APBB1IP: variants seen among roughly 807,000 people sequenced by gnomAD.
APBB1IP encodes amyloid beta precursor protein binding family B member 1 interacting protein.
In APBB1IP, 27 loss-of-function variants were observed where a neutral mutation model predicts 64.9. The ratio of observed to expected loss-of-function variants is 0.42; its 90% confidence interval spans 0.31 to 0.57. The LOEUF is 0.57. APBB1IP is among the 20% of genes least tolerant of loss of function. The pLI is 0.20. For missense variants in APBB1IP, 812 were observed against 845.5 expected, an observed-to-expected ratio of 0.96 and a Z score of 0.49; for synonymous variants, 392 against 331.0, an observed-to-expected ratio of 1.18 and a Z score of -2.00.
intron 2 of APBB1IP, among the ~76,000 whole-genome samples, chr10:26,447,447 A>G (rs1051824537): frequency 6.6e-6 from 1 of 151,304 alleles, no homozygotes; most frequent in African/African-American, 2.4e-5. Flanking sequence ...TACGCCAGGC[A>G]CCAGATGTGT....
intron 5 of APBB1IP, 49 bp downstream of exon 5, chr10:26,501,160 A>G: frequency 1.2e-6 from 2 of 1,608,822 alleles, no homozygotes; most frequent in African/African-American, 2.7e-5. Flanking sequence ...TCTGCTACCT[A>G]TCACTGATGT....
At chr10:26,531,584 A>G (rs1051183813) in intron 8 of APBB1IP, among the ~76,000 whole-genome samples, 6 of 151,102 alleles carry the variant, frequency 4.0e-5, no homozygotes, top group Admixed American at 3.3e-4. Flanking sequence ...GGAGAATGGC[A>G]TGAACCTGAG....
chr10:26,494,072 A>G (rs1367511416), intron 3 of APBB1IP, among the ~76,000 whole-genome samples: 1 of 152,134 alleles, frequency 6.6e-6, no homozygotes, highest in Non-Finnish European at 1.5e-5. Context: ...TTTAGTAAAG[A>G]CTTTTTACCA....
intron 2 of APBB1IP, among the ~76,000 whole-genome samples, chr10:26,478,912 T>A (rs192258457): frequency 3.3e-5 from 5 of 151,738 alleles, no homozygotes; most frequent in Admixed American, 3.3e-4. Context: ...GGAGATGAAG[T>A]CTCCCTTTAA....
chr10:26,487,320 T>C (rs1001571838), intron 2 of APBB1IP, among the ~76,000 whole-genome samples: 3 of 152,210 alleles, frequency 2.0e-5, no homozygotes, highest in Admixed American at 2.0e-4. Context: ...GTACACTGTA[T>C]ACATGTGTAT....
intron 2 of APBB1IP, among the ~76,000 whole-genome samples, chr10:26,489,452 T>G (rs934398777): frequency 6.6e-6 from 1 of 152,202 alleles, no homozygotes; most frequent in African/African-American, 2.4e-5. Flanking sequence ...ATTTCCTAAA[T>G]GATAAACGCA....
At chr10:26,466,207 C>T (rs1409864664) in intron 2 of APBB1IP, among the ~76,000 whole-genome samples, 2 of 152,136 alleles carry the variant, frequency 1.3e-5, no homozygotes, top group Non-Finnish European at 2.9e-5. Flanking sequence ...CTTCTACTAT[C>T]GAGGCAGCTG....
intron 2 of APBB1IP, among the ~76,000 whole-genome samples, chr10:26,484,416 C>G (rs1835868668): frequency 6.6e-6 from 1 of 152,154 alleles, no homozygotes; most frequent in African/African-American, 2.4e-5. Context: ...GATTCTTGTG[C>G]CTCAGACTCC....
At chr10:26,445,128 A>AAAAAGAAAGAAAG (rs1554772199) in intron 2 of APBB1IP, among the ~76,000 whole-genome samples, 7 of 102,190 alleles carry the variant, frequency 6.8e-5, no homozygotes, top group South Asian at 3.8e-4. Flanking sequence ...AGAAAGAAAG[A>AAAAAGAAAGAAAG]AAAGAAAGAA....
intron 11 of APBB1IP, among the ~76,000 whole-genome samples, chr10:26,546,908 T>C (rs1271505999): frequency 6.6e-6 from 1 of 152,238 alleles, no homozygotes; most frequent in Non-Finnish European, 1.5e-5. Context: ...TTTGTATATA[T>C]ACCCAACAGT....
At chr10:26,557,774 C>T (rs1017096826) in intron 11 of APBB1IP, among the ~76,000 whole-genome samples, 3 of 152,240 alleles carry the variant, frequency 2.0e-5, no homozygotes, top group African/African-American at 7.2e-5. Context: ...CACGCTCTTG[C>T]TGGCTGAGTC....
chr10:26,527,897 G>A (rs1243532113), intron 8 of APBB1IP, among the ~76,000 whole-genome samples: 1 of 151,958 alleles, frequency 6.6e-6, no homozygotes, highest in Non-Finnish European at 1.5e-5. Context: ...TCACCATCTT[G>A]GCCAGGCTGG....
At chr10:26,458,386 G>A (rs567112348) in intron 2 of APBB1IP, among the ~76,000 whole-genome samples, 41 of 151,306 alleles carry the variant, frequency 2.7e-4, no homozygotes, top group African/African-American at 8.5e-4. Context: ...AGACTCTGTC[G>A]AAAGGAAGGA....
chr10:26,549,725 AG>A, intron 11 of APBB1IP, among the ~76,000 whole-genome samples: 1 of 151,624 alleles, frequency 6.6e-6, no homozygotes, highest in Non-Finnish European at 1.5e-5. Context: ...GACTAGCTAA[AG>A]GTTTCTCAAT....
At position 26,548,279 on chromosome 10, in the gene APBB1IP, T is replaced by C. The variant is rs1588615327; in HGVS notation, c.1155+6587T>C. Among the ~76,000 whole-genome samples the C allele has an allele frequency of 2.6e-5, 4 of 152,060 alleles. No homozygotes were observed. The South Asian group carries it at 8.3e-4, about 32-fold the overall frequency. The stretch of plus-strand genomic sequence containing the variant: ...GTATACATGTGCCATGTTGGTGTGC[T>C]GCACCCATTAACTCGTCATTTAACA... On this transcript the variant is annotated intron_variant, in intron 11 of 14. Coordinates refer to ENST00000376236, the MANE Select transcript of APBB1IP (RefSeq NM_019043.4).
intron 2 of APBB1IP, among the ~76,000 whole-genome samples, chr10:26,461,139 G>T (rs1326908186): frequency 1.3e-5 from 2 of 151,342 alleles, no homozygotes; most frequent in African/African-American, 2.4e-5. Flanking sequence ...TACCACAAAA[G>T]TATTATAAAA....
chr10:26,530,755 A>T (rs1836542776), intron 8 of APBB1IP, among the ~76,000 whole-genome samples: 1 of 151,984 alleles, frequency 6.6e-6, no homozygotes, highest in Non-Finnish European at 1.5e-5. Flanking sequence ...AAATCACTTA[A>T]TCCTCTGTGT....
intron 6 of APBB1IP, among the ~76,000 whole-genome samples, chr10:26,510,885 T>A (rs1010362492): frequency 6.6e-6 from 1 of 152,068 alleles, no homozygotes; most frequent in African/African-American, 2.4e-5. Context: ...TAACTATCTG[T>A]CTCTCAGTGG....
intron 2 of APBB1IP, among the ~76,000 whole-genome samples, chr10:26,452,246 G>A (rs141336495): frequency 2.2e-4 from 33 of 152,166 alleles, no homozygotes; most frequent in African/African-American, 7.0e-4. Flanking sequence ...AATTATTTTC[G>A]TTGTACAGAC....
Sources: gnomAD v4.1 joint callset for allele counts (sites outside exome capture counted in the v4.1 genomes callset) on GRCh38, gnomAD v4.1.1 for gene constraint, MANE v1.5 for transcripts, NCBI Gene and HGNC (gene_info 2026-07-23, HGNC 2026-07-21) for gene names.